Variants in ZNF738 observed in about 807,000 individuals in gnomAD.
The protein encoded by ZNF738 is zinc finger protein 738, also known as protein ZNF738.
In ZNF738, 10 loss-of-function variants were observed where a neutral mutation model predicts 9.2. That is an observed-to-expected ratio of 1.09 (90% CI 0.67 to 1.85). The LOEUF is 1.85. Ranked by LOEUF, ZNF738 falls within the 40% of genes most tolerant of loss-of-function variation. ZNF738 has a pLI of 0.00. For missense variants in ZNF738, 346 were observed against 283.6 expected, an observed-to-expected ratio of 1.22 and a Z score of -1.58; for synonymous variants, 113 against 94.5, an observed-to-expected ratio of 1.20 and a Z score of -1.14.
chr19:21,371,350 C>A lies in ZNF738; in HGVS notation c.97-3888C>A, dbSNP rs192270279. 1.2e-3 allele frequency among the ~76,000 whole-genome samples: 190 copies of A among 152,254 alleles called. 2 individuals are homozygous for A. The highest frequency in any genetic ancestry group is 2.5e-3 in the East Asian group (13 of 5,166). ...GTGTCCTTAAGACATTTGAGGATGTCAAGGGTAGAATTATGTCAGGCTAAC... is the reference window on the plus strand; with the variant it reads ...GTGTCCTTAAGACATTTGAGGATGTAAAGGGTAGAATTATGTCAGGCTAAC... On this transcript the variant is annotated intron_variant, in intron 2 of 4. Coordinates refer to ENST00000683779, the MANE Select transcript of ZNF738 (RefSeq NM_001355237.2).
At chr19:21,381,160 G>T in intron 4 of ZNF738, 1 of 1,021,142 alleles carries the variant, frequency 9.8e-7, no homozygotes, top group South Asian at 1.6e-5. Context: ...GATTTCTGCA[G>T]TGAGCACCAA....
chr19:21,368,282 C>A (rs1232387664), intron 2 of ZNF738, among the ~76,000 whole-genome samples: 3 of 151,850 alleles, frequency 2.0e-5, no homozygotes, highest in Non-Finnish European at 2.9e-5. Context: ...ATGACTGTTC[C>A]TTCTTTATGT....
intron 4 of ZNF738, among the ~76,000 whole-genome samples, chr19:21,382,463 T>A (rs1974017738): frequency 6.6e-6 from 1 of 151,970 alleles, no homozygotes; most frequent in South Asian, 2.1e-4. Flanking sequence ...GGTCTCAATC[T>A]CCTGACCTCA....
At position 21,387,622 on chromosome 19, in the gene ZNF738, GA is replaced by G. The variant is rs1268068631; in HGVS notation, c.*3953del. ...GAAAAATTATACAAATACAGACTGT[GA>G]AAAAGACATTAATATCTGCTTACAT... On this transcript the variant is annotated 3_prime_UTR_variant, in exon 5 of 5. Coordinates refer to ENST00000683779, the MANE Select transcript of ZNF738 (RefSeq NM_001355237.2). 2.0e-5 allele frequency among the ~76,000 whole-genome samples: 3 copies of G among 152,148 alleles called. No individual in the cohort carries two copies. The highest frequency in any genetic ancestry group is 4.4e-5 in the Non-Finnish European group (3 of 68,026).
Position 21,385,299 on chromosome 19 carries a change from A to G in ZNF738, c.*1625A>G, listed in dbSNP as rs143470737. Among the ~76,000 whole-genome samples, 18 of 152,262 alleles carry G rather than the reference A, an allele frequency of 1.2e-4. No individual in the cohort carries two copies. Among genetic ancestry groups the G allele is most frequent in the African/African-American group, 3.4e-4 (14 of 41,540 alleles). ...GTGAAACCCCATCTCTACTAAAAAT[A>G]TAAAAAATTAGCCAGGTGTAGTGGT... is the stretch of plus-strand genomic sequence containing the variant. On this transcript the variant is annotated 3_prime_UTR_variant, in exon 5 of 5. Transcript: ENST00000683779.
At chr19:21,378,762 G>A (rs1197987761) in intron 4 of ZNF738, 1 of 275,936 alleles carries the variant, frequency 3.6e-6, no homozygotes. Flanking sequence ...ACCACACCCA[G>A]CTAAGTTTGT....
intron 2 of ZNF738, among the ~76,000 whole-genome samples, chr19:21,366,020 A>G (rs1465509452): frequency 1.3e-5 from 2 of 152,152 alleles, no homozygotes; most frequent in Admixed American, 1.3e-4. Context: ...ACAGAGTACA[A>G]CTGCAATATA....
chr19:21,383,727 A>C lies in ZNF738; in HGVS notation c.*53A>C. The C allele has an allele frequency of 9.3e-7, 1 of 1,069,808 alleles. No individual in the cohort carries two copies. Among genetic ancestry groups the C allele is most frequent in the Non-Finnish European group, 1.4e-6 (1 of 695,700 alleles). The allele number at this position is 1,069,808 out of a possible 1,614,324, so 66.3% of individuals were successfully genotyped here. On this transcript the variant is annotated 3_prime_UTR_variant, in exon 5 of 5. Coordinates refer to ENST00000683779, the MANE Select transcript of ZNF738 (RefSeq NM_001355237.2). ...ACCCTTACTAGACATAAGATAATTCATACTGAAGAGAAACCCTACAAATGT... is the reference window on the plus strand; with the variant it reads ...ACCCTTACTAGACATAAGATAATTCCTACTGAAGAGAAACCCTACAAATGT...
chr19:21,379,758 A>G (rs765493325), intron 4 of ZNF738, among the ~76,000 whole-genome samples: 14 of 152,096 alleles, frequency 9.2e-5, no homozygotes, highest in Non-Finnish European at 2.9e-5. Flanking sequence ...ACATACATAC[A>G]GTATTGCACG....
At chr19:21,364,886 C>T (rs1973754798) in intron 2 of ZNF738, among the ~76,000 whole-genome samples, 1 of 145,630 alleles carries the variant, frequency 6.9e-6, no homozygotes, top group Non-Finnish European at 1.5e-5. Context: ...ACTGGGACTA[C>T]AGGCATCCAC....
chr19:21,359,133 G>A lies in ZNF738; in HGVS notation c.-8G>A. The A allele has an allele frequency of 9.6e-7, 1 of 1,038,444 alleles. No individual in the cohort carries two copies. Among genetic ancestry groups the A allele is most frequent in the Non-Finnish European group, 1.5e-6 (1 of 656,502 alleles). 64.3% of individuals were successfully genotyped at this position (1,038,444 alleles called of 1,614,324 possible). ...GCTAAGACGCCGGGACACCCTGGAA[G>A]CCTAGAAATGGTGAGAGTGCGGGGT... On this transcript the variant is annotated 5_prime_UTR_variant, in exon 1 of 5. Coordinates refer to ENST00000683779, the MANE Select transcript of ZNF738 (RefSeq NM_001355237.2).
chr19:21,377,165 G>A (rs1973938784), intron 4 of ZNF738, among the ~76,000 whole-genome samples: 1 of 152,012 alleles, frequency 6.6e-6, no homozygotes, highest in South Asian at 2.1e-4. Context: ...AAATTAGCCA[G>A]GTATGGCAGC....
At chr19:21,382,570 G>A (rs1258641417) in intron 4 of ZNF738, among the ~76,000 whole-genome samples, 1 of 152,126 alleles carries the variant, frequency 6.6e-6, no homozygotes, top group Non-Finnish European at 1.5e-5. Context: ...GTTATATCGG[G>A]GAGCAGGAAC....
chr19:21,366,809 G>A (rs1234314613), intron 2 of ZNF738, among the ~76,000 whole-genome samples: 1 of 152,076 alleles, frequency 6.6e-6, no homozygotes, highest in Non-Finnish European at 1.5e-5. Context: ...CTGGTGGGAG[G>A]GTAACGGAGA....
intron 1 of ZNF738, among the ~76,000 whole-genome samples, chr19:21,359,453 A>T (rs1002348152): frequency 6.6e-6 from 1 of 152,216 alleles, no homozygotes; most frequent in Non-Finnish European, 1.5e-5. Flanking sequence ...GAGGGTCGTC[A>T]GGGGAGAATC....
rs547268229 is a variant in ZNF738 at position 21,359,009 on chromosome 19, T to A, written c.-132T>A. 4.0e-6 allele frequency: 3 copies of A among 754,082 alleles called. No individual in the cohort carries two copies. The highest frequency in any genetic ancestry group is 5.3e-5 in the East Asian group (2 of 37,482). The allele number at this position is 754,082 out of a possible 1,614,324, so 46.7% of individuals were successfully genotyped here. A position where few individuals can be genotyped will look rare whatever the true frequency, so the allele number is the denominator to read the frequency against. ...ATTTGTCCGCTTCTTTGTCTTTGGC[T>A]GCCGCTGGAACTCCGGGTCTCGTCT... On this transcript the variant is annotated 5_prime_UTR_variant, in exon 1 of 5. Transcript: ENST00000683779.
intron 2 of ZNF738, among the ~76,000 whole-genome samples, chr19:21,362,339 C>T (rs1457005595): frequency 6.6e-6 from 1 of 151,946 alleles, no homozygotes; most frequent in Non-Finnish European, 1.5e-5. Context: ...AATAGTATCC[C>T]GAAAGACAAA....
rs73027884 is a variant in ZNF738 at position 21,385,485 on chromosome 19, T to A, written c.*1811T>A. On this transcript the variant is annotated 3_prime_UTR_variant, in exon 5 of 5. Transcript: ENST00000683779. The stretch of plus-strand genomic sequence containing the variant: ...AAAATAAATAAATAAATAAAAAAAA[T>A]AAGAGAGTTCATACTAGAGAGAAAC... Among the ~76,000 whole-genome samples the A allele has an allele frequency of 0.18, 27,172 of 148,408 alleles. 2,586 individuals carry two copies. The highest frequency in any genetic ancestry group is 0.22 in the Non-Finnish European group (14,526 of 65,864).
In ZNF738 at chr19:21,375,338, A is replaced by G. The variant is rs768119280; in HGVS notation, c.197A>G (p.Glu66Gly). 30 of 977,562 alleles carry G rather than the reference A, an allele frequency of 3.1e-5. No individual in the cohort carries two copies. Among genetic ancestry groups the G allele is most frequent in the Admixed American group, 5.3e-5 (3 of 57,092 alleles). The allele number at this position is 977,562 out of a possible 1,614,324, so 60.6% of individuals were successfully genotyped here. The change falls in exon 3 of 5, where the codon GAG becomes GGG. Residue 66 changes from glutamate (E) to glycine (G), a missense_variant. By Grantham distance (98) the Glu-to-Gly change is moderately conservative. Coordinates refer to ENST00000683779, the MANE Select transcript of ZNF738 (RefSeq NM_001355237.2). ...GATTTGTATAGGAAAGTGATGTTAG[A>G]GAACTTCAGAAACCTGGTGTTCTTG... The part of the protein sequence containing the change: ...QQDLYRKVML[E>G]NFRNLVFLGI...
Sources: gnomAD v4.1 joint callset for allele counts (sites outside exome capture counted in the v4.1 genomes callset) on GRCh38, gnomAD v4.1.1 for gene constraint, MANE v1.5 for transcripts, NCBI Gene and HGNC (gene_info 2026-07-23, HGNC 2026-07-21) for gene names.